Variants in KLHL14 observed in about 807,000 individuals in gnomAD.
KLHL14 encodes the protein kelch-like protein 14.
In KLHL14, 22 loss-of-function variants were observed where a neutral mutation model predicts 64.3. The observed-to-expected ratio is 0.34, with a 90% CI of 0.24 to 0.49. The LOEUF is 0.49. KLHL14 is among the 20% of genes least tolerant of loss of function. KLHL14 has a pLI of 0.99. For synonymous variants in KLHL14, 322 were observed against 333.4 expected, an observed-to-expected ratio of 0.97 and a Z score of 0.37; for missense variants, 661 against 789.0, an observed-to-expected ratio of 0.84 and a Z score of 1.94.
At chr18:32,677,026 T>C in intron 8 of KLHL14, 147 bp downstream of exon 8, 1 of 862,012 alleles carries the variant, frequency 1.2e-6, no homozygotes, top group Non-Finnish European at 1.8e-6. Flanking sequence ...AGGCTGATCC[T>C]ATTTTACTAT....
chr18:32,770,231 C>T lies in KLHL14; in HGVS notation c.361G>A (p.Ala121Thr), dbSNP rs772300734. 9 of 1,604,336 alleles carry T rather than the reference C, an allele frequency of 5.6e-6. No homozygotes were observed. Among genetic ancestry groups the T allele is most frequent in the Non-Finnish European group, 6.8e-6 (8 of 1,173,318 alleles). ...PDDKLLTSPR[A>T]INNLVLQGCS... ...CCCTGCAGCACCAGGTTGTTGATGG[C>T]CCGGGGGCTGGTCAGCAGCTTGTCG... is the stretch of plus-strand genomic sequence containing the variant. Residue 121 changes from alanine (A) to threonine (T), a missense_variant, in exon 2 of 9, where the codon GCC (alanine) becomes ACC (threonine). Transcript: ENST00000359358. This position sits in a 1 kb window ranked among gnomAD's most constrained non-coding sequence, Gnocchi z 6.7.
chr18:32,752,673 C>T (rs1437186992), intron 2 of KLHL14, among the ~76,000 whole-genome samples: 1 of 152,058 alleles, frequency 6.6e-6, no homozygotes, highest in Non-Finnish European at 1.5e-5. Context: ...TTGCCATAGC[C>T]ACATGCTTTG....
Position 32,674,791 on chromosome 18 carries a change from AG to A in KLHL14, c.1752del (p.Tyr585ThrfsTer22). Reference sequence around the variant, plus strand: ...CAATAGCATATTGTAGATGACTTGTAGGCCCCCTGTAATGACAGAGGAGGGA... The same window carrying A: ...CAATAGCATATTGTAGATGACTTGTAGCCCCCTGTAATGACAGAGGAGGGA... Reference protein sequence around the residue: ...LVGGYSWSMGAYKSSTICYCP... With the variant: ...LVGGYSWSMGXYKSSTICYCP... On this transcript the variant is annotated frameshift_variant, in exon 9 of 9. Transcript: ENST00000359358. LOFTEE classifies it high-confidence loss of function. 1.3e-6 allele frequency: 1 copy of A among 780,640 alleles called. No individual in the cohort carries two copies. 48.4% of individuals were successfully genotyped at this position (780,640 alleles called of 1,614,324 possible).
chr18:32,770,248 A>C lies in KLHL14; in HGVS notation c.344T>G (p.Leu115Arg). The C allele has an allele frequency of 6.3e-7, 1 of 1,598,884 alleles. No individual in the cohort carries two copies. Among genetic ancestry groups the C allele is most frequent in the Non-Finnish European group, 8.5e-7 (1 of 1,170,474 alleles). The change falls in exon 2 of 9, where the codon CTG (leucine) becomes CGG (arginine). Residue 115 changes from leucine to arginine, a missense_variant. Leu to Arg is a moderately radical substitution (Grantham distance 102). Coordinates refer to ENST00000359358, the MANE Select transcript of KLHL14 (RefSeq NM_020805.3). This position sits in a 1 kb window ranked among gnomAD's most constrained non-coding sequence, Gnocchi z 6.7. ...GTPSSSPDDKLLTSPRAINNL... is the reference protein window; with the variant it reads ...GTPSSSPDDKRLTSPRAINNL... ...GTTGATGGCCCGGGGGCTGGTCAGC[A>C]GCTTGTCGTCGGGGGAGGAAGAAGG...
chr18:32,703,978 C>T (rs974434126), intron 3 of KLHL14, among the ~76,000 whole-genome samples: 4 of 152,042 alleles, frequency 2.6e-5, no homozygotes, highest in Non-Finnish European at 4.4e-5. Flanking sequence ...TGATGACTGC[C>T]CTTTTCCAAG....
chr18:32,747,224 G>A (rs917550334), intron 2 of KLHL14, among the ~76,000 whole-genome samples: 2 of 152,066 alleles, frequency 1.3e-5, no homozygotes, highest in South Asian at 2.1e-4. Context: ...ACCAGGGTCC[G>A]GTTTCATGGA....
intron 2 of KLHL14, among the ~76,000 whole-genome samples, chr18:32,768,427 A>ACACG (rs1555667336): frequency 4.7e-5 from 7 of 149,248 alleles, no homozygotes; most frequent in Admixed American, 2.0e-4. Flanking sequence ...ACACACACAC[A>ACACG]CACACCATTT....
chr18:32,745,560 A>G (rs2144534152), intron 2 of KLHL14: 1 of 152,352 alleles, frequency 6.6e-6, no homozygotes, highest in Admixed American at 6.5e-5. Context: ...TCTGAATCCG[A>G]ATAAAGAAAC....
chr18:32,722,484 G>C (rs1257476438), intron 3 of KLHL14, among the ~76,000 whole-genome samples: 1 of 152,180 alleles, frequency 6.6e-6, no homozygotes, highest in Admixed American at 6.5e-5. Context: ...GGGAGCCACA[G>C]TACTGAAGAC....
rs910423799 is a variant in KLHL14 at position 32,674,313 on chromosome 18, C to T, written c.*344G>A. 14 of 205,418 alleles carry T rather than the reference C, an allele frequency of 6.8e-5. No individual in the cohort carries two copies. Among genetic ancestry groups the T allele is most frequent in the African/African-American group, 3.0e-4 (13 of 43,860 alleles). The allele number at this position is 205,418 out of a possible 1,614,324, so 12.7% of individuals were successfully genotyped here. A position where few individuals can be genotyped will look rare whatever the true frequency, so the allele number is the denominator to read the frequency against. ...TCACATGCAGGTAGACTACAATGCA[C>T]AATACTGATCTGAGGTCTCTCTGGG... On this transcript the variant is annotated 3_prime_UTR_variant, in exon 9 of 9. Coordinates refer to ENST00000359358, the MANE Select transcript of KLHL14 (RefSeq NM_020805.3).
chr18:32,752,955 TTGTGTGTGTGTGTG>T (rs71177874), intron 2 of KLHL14, among the ~76,000 whole-genome samples: 35 of 142,378 alleles, frequency 2.5e-4, no homozygotes, highest in Middle Eastern at 3.6e-3. Context: ...AGCATCATAT[TTGTGTGTGTGTGTG>T]TGTGTGTGTG....
intron 2 of KLHL14, among the ~76,000 whole-genome samples, chr18:32,752,913 G>A (rs1345048471): frequency 6.7e-6 from 1 of 149,038 alleles, no homozygotes; most frequent in African/African-American, 2.5e-5. Flanking sequence ...AACTTCTCAG[G>A]GATTCTGATT....
chr18:32,702,560 T>C (rs1455455948), intron 3 of KLHL14, among the ~76,000 whole-genome samples: 1 of 151,834 alleles, frequency 6.6e-6, no homozygotes, highest in Non-Finnish European at 1.5e-5. Context: ...TGATAGATAT[T>C]ATTGAATAAA....
rs909920107 is a variant in KLHL14 at position 32,772,925 on chromosome 18, GAGA to G, written c.-305_-303del. On this transcript the variant is annotated 5_prime_UTR_variant, in exon 1 of 9. Coordinates refer to ENST00000359358, the MANE Select transcript of KLHL14 (RefSeq NM_020805.3). ...AGAGAGGGAGCAGAGCTTTCTGCAA[GAGA>G]AGAAGAAGAAAAAATGTACGTGTGA... The G allele has an allele frequency of 4.8e-5, 8 of 165,656 alleles. No homozygotes were observed. Among genetic ancestry groups the G allele is most frequent in the African/African-American group, 1.2e-4 (5 of 42,036 alleles). The allele number at this position is 165,656 out of a possible 1,614,324, so 10.3% of individuals were successfully genotyped here.
chr18:32,718,792 C>T (rs1251957292), intron 3 of KLHL14, among the ~76,000 whole-genome samples: 1 of 152,118 alleles, frequency 6.6e-6, no homozygotes, highest in Non-Finnish European at 1.5e-5. Context: ...ATGATAAACT[C>T]TACCTTCTTT....
chr18:32,705,766 A>G (rs1013535528), intron 3 of KLHL14, among the ~76,000 whole-genome samples: 1 of 152,220 alleles, frequency 6.6e-6, no homozygotes, highest in Non-Finnish European at 1.5e-5. Flanking sequence ...TACAATATCA[A>G]CTTTTTAATT....
intron 2 of KLHL14, among the ~76,000 whole-genome samples, chr18:32,756,272 A>G (rs1240200622): frequency 2.0e-5 from 3 of 152,218 alleles, no homozygotes; most frequent in Non-Finnish European, 2.9e-5. Context: ...GCAGCTGTCT[A>G]CAAACCAGGA....
chr18:32,692,318 A>T (rs2049911490), intron 4 of KLHL14, among the ~76,000 whole-genome samples: 1 of 152,204 alleles, frequency 6.6e-6, no homozygotes, highest in Admixed American at 6.5e-5. Context: ...TCAAGGGCAC[A>T]CATCTCAGAT....
intron 2 of KLHL14, among the ~76,000 whole-genome samples, chr18:32,757,927 T>C (rs1378457305): frequency 6.6e-6 from 1 of 152,206 alleles, no homozygotes; most frequent in Non-Finnish European, 1.5e-5. Context: ...TCTTTTCATT[T>C]TGCAAATAGT....
Sources: gnomAD v4.1 joint callset for allele counts (sites outside exome capture counted in the v4.1 genomes callset) on GRCh38, gnomAD v4.1.1 for gene constraint, Gnocchi (gnomAD v3.1) non-coding constraint, MANE v1.5 for transcripts, NCBI Gene and HGNC (gene_info 2026-07-23, HGNC 2026-07-21) for gene names.